Variants in TJP3 observed in about 807,000 individuals in gnomAD.
The protein encoded by TJP3 is tight junction protein 3.
In TJP3, 85 loss-of-function variants were observed where a neutral mutation model predicts 104.2. That is an observed-to-expected ratio of 0.82 (90% CI 0.68 to 0.98). The LOEUF is 0.98. Among genes scored for constraint, TJP3 ranks in the 50% least tolerant of loss-of-function variants. The probability of loss-of-function intolerance (pLI) is 0.00; values close to 1 mark genes in which losing one functional copy is unlikely to be tolerated. For synonymous variants in TJP3, 550 were observed against 550.6 expected (o/e 1.00, Z 0.02); for missense variants, 1,367 against 1,322.8 (o/e 1.03, Z -0.52).
At chr19:3,710,123 T>G (rs187682546) in intron 1 of TJP3, among the ~76,000 whole-genome samples, 3 of 125,542 alleles carry the variant, frequency 2.4e-5, no homozygotes, top group Admixed American at 9.9e-5. Context: ...CACTCCAGCC[T>G]GGACAACAGA....
At chr19:3,750,251 A>G in intron 20 of TJP3, 67 bp downstream of exon 20, 8 of 1,601,208 alleles carry the variant, frequency 5.0e-6, no homozygotes, top group Non-Finnish European at 6.0e-6. Flanking sequence ...CTGCGGACTC[A>G]GATCTAGATC....
intron 6 of TJP3, among the ~76,000 whole-genome samples, chr19:3,732,749 TC>T (rs1337691692): frequency 6.6e-6 from 1 of 152,022 alleles, no homozygotes; most frequent in African/African-American, 2.4e-5. Flanking sequence ...CCTCAGGTGA[TC>T]CCCCCCGCTC....
At chr19:3,739,183 T>A in intron 13 of TJP3, 49 bp downstream of exon 13, 4 of 1,463,612 alleles carry the variant, frequency 2.7e-6, no homozygotes, top group Non-Finnish European at 3.6e-6. Context: ...TCAGCCTCAG[T>A]CTCCCCGTTA....
rs1158534311 is a variant in TJP3, at chr19:3,730,175, C to T, written c.261+45C>T. The T allele has an allele frequency of 1.3e-6, 2 of 1,585,308 alleles. No individual in the cohort carries two copies. The highest frequency in any genetic ancestry group is 2.2e-5 in the East Asian group (1 of 44,742). Reference sequence around the variant, plus strand: ...CATGGCCAGCATCTCTGACCCCAGCCTGGGTCGTGCCGCTGTGGGGGTTGT... The same window carrying T: ...CATGGCCAGCATCTCTGACCCCAGCTTGGGTCGTGCCGCTGTGGGGGTTGT... On this transcript the variant is annotated intron_variant, in intron 4 of 20. Transcript: ENST00000541714. The surrounding 1 kb of genome is among the most constrained non-coding windows in gnomAD (Gnocchi z 7.3).
intron 1 of TJP3, among the ~76,000 whole-genome samples, chr19:3,724,527 T>C (rs2036578372): frequency 6.6e-6 from 1 of 151,790 alleles, no homozygotes. Context: ...AAATACAAAT[T>C]CCTTGGGGCC....
In TJP3 at chr19:3,746,649, CGCACAAGCCCAGAA is replaced by C; in HGVS notation, c.2178_2191del (p.Gln727AlafsTer19). ...CCCGCCGCAGCACCCGTCGCCTCTA[CGCACAAGCCCAGAA>C]GCTGCGAAAACACAGCAGCCACCTC... On this transcript the variant is annotated frameshift_variant, in exon 17 of 21. Transcript: ENST00000541714. LOFTEE classifies it high-confidence loss of function. The surrounding 1 kb of genome is among the most constrained non-coding windows in gnomAD (Gnocchi z 4.1). 6 of 1,613,382 alleles carry C rather than the reference CGCACAAGCCCAGAA, an allele frequency of 3.7e-6. 1 individual carries two copies. The Middle Eastern group carries it at 9.9e-4, about 266-fold the overall frequency.
intron 1 of TJP3, among the ~76,000 whole-genome samples, chr19:3,724,541 T>TA (rs2036578567): frequency 6.6e-6 from 1 of 151,852 alleles, no homozygotes; most frequent in African/African-American, 2.4e-5. Context: ...TGGGGCCATT[T>TA]AAAAATTTTT....
rs749562116 is a variant in TJP3, at chr19:3,738,945, G to A, written c.1442G>A (p.Arg481His). ...CGCGTGGGTGACTCCTTCTACATCC[G>A]CACTCACTTTGAGCTGGAGCCCAGT... is the stretch of plus-strand genomic sequence containing the variant. ...QSRVGDSFYI[R>H]THFELEPSPP... Residue 481 changes from arginine (R) to histidine (H), a missense_variant, in exon 13 of 21, where the codon CGC (arginine) becomes CAC (histidine). By Grantham distance (29) the Arg-to-His change is conservative (BLOSUM62 0). Coordinates refer to ENST00000541714, the MANE Select transcript of TJP3 (RefSeq NM_001267560.2). The A allele has an allele frequency of 7.4e-6, 12 of 1,612,568 alleles. No homozygotes were observed. The highest frequency in any genetic ancestry group is 2.2e-5 in the East Asian group (1 of 44,870).
chr19:3,721,886 G>A, intron 1 of TJP3: 2 of 1,229,680 alleles, frequency 1.6e-6, no homozygotes, highest in East Asian at 3.2e-5. Flanking sequence ...GAGCCCCCAG[G>A]TGGACCATGG....
intron 11 of TJP3, among the ~76,000 whole-genome samples, chr19:3,738,080 A>ATGGCTATGTCCAT (rs1555739989): frequency 1.3e-5 from 2 of 150,168 alleles, no homozygotes; most frequent in African/African-American, 5.0e-5. Context: ...CGGAGAGCAG[A>ATGGCTATGTCCAT]TGGCTGTGTC....
rs553288074 is a variant in TJP3 at position 3,725,715 on chromosome 19, C to T, written c.-9-2709C>T. Among the ~76,000 whole-genome samples, 111 of 148,878 alleles carry T rather than the reference C, an allele frequency of 7.5e-4. 2 individuals carry two copies. Among genetic ancestry groups the T allele is most frequent in the Non-Finnish European group, 1.4e-3 (91 of 67,222 alleles). Reference sequence around the variant, plus strand: ...ATCTCAAAAAAAAAAAAAAAAACTACACAAGGAGAAAGTCATTATTTGGCC... The same window carrying T: ...ATCTCAAAAAAAAAAAAAAAAACTATACAAGGAGAAAGTCATTATTTGGCC... On this transcript the variant is annotated intron_variant, in intron 1 of 20. Coordinates refer to ENST00000541714, the MANE Select transcript of TJP3 (RefSeq NM_001267560.2).
chr19:3,729,781 CAAAAA>C (rs35091592), intron 3 of TJP3, among the ~76,000 whole-genome samples: 2 of 120,590 alleles, frequency 1.7e-5, no homozygotes, highest in Admixed American at 1.7e-4. Flanking sequence ...GACTCTGTCT[CAAAAA>C]AAAAAAAAAA....
At chr19:3,711,398 C>T (rs1336047269) in intron 1 of TJP3, among the ~76,000 whole-genome samples, 1 of 145,146 alleles carries the variant, frequency 6.9e-6, no homozygotes, top group Non-Finnish European at 1.5e-5. Flanking sequence ...AGGGTTTCAC[C>T]GTATTGGTCA....
chr19:3,721,780 C>A, intron 1 of TJP3: 1 of 500,928 alleles, frequency 2.0e-6, no homozygotes, highest in Non-Finnish European at 3.1e-6. Flanking sequence ...GAGAGCCCGG[C>A]CCTCAGCCCG....
Position 3,715,182 on chromosome 19 carries a change from C to T in TJP3, c.-10+6621C>T, listed in dbSNP as rs145446644. The stretch of plus-strand genomic sequence containing the variant: ...TCGGCTCACTGCAACCTCCGCCTCC[C>T]GGGTTCACGCCATTCTCCTGCCTCA... On this transcript the variant is annotated intron_variant, in intron 1 of 20. Coordinates refer to ENST00000541714, the MANE Select transcript of TJP3 (RefSeq NM_001267560.2). 4.4e-3 allele frequency among the ~76,000 whole-genome samples: 661 copies of T among 151,720 alleles called. 7 individuals are homozygous for T. The highest frequency in any genetic ancestry group is 0.015 in the African/African-American group (629 of 41,420).
At chr19:3,735,534 C>T in intron 8 of TJP3, 32 bp from the exon 9 acceptor site, 1 of 1,610,364 alleles carries the variant, frequency 6.2e-7, no homozygotes, top group South Asian at 1.1e-5. Context: ...TGAAATCCAT[C>T]CCTGCCTCAC....
intron 14 of TJP3, 87 bp from the exon 15 acceptor site, chr19:3,743,852 A>G: frequency 8.3e-7 from 1 of 1,208,954 alleles, no homozygotes; most frequent in Non-Finnish European, 1.2e-6. Context: ...TGTTTACTAT[A>G]AGGAAGTGGA....
rs2036888112 is a variant in TJP3 at position 3,746,383 on chromosome 19, C to A, written c.2011-102C>A. 9.2e-6 allele frequency: 12 copies of A among 1,306,950 alleles called. No homozygotes were observed. The highest frequency in any genetic ancestry group is 1.9e-4 in the Middle Eastern group (1 of 5,182). The allele number at this position is 1,306,950 out of a possible 1,614,324, so 81.0% of individuals were successfully genotyped here. Reference sequence around the variant, plus strand: ...CTTGCTAGCCTGTGGATGTGAGAGGCTGGGGTCCACTCTGACCTCAGACTC... The same window carrying A: ...CTTGCTAGCCTGTGGATGTGAGAGGATGGGGTCCACTCTGACCTCAGACTC... On this transcript the variant is annotated intron_variant, in intron 16 of 20. Coordinates refer to ENST00000541714, the MANE Select transcript of TJP3 (RefSeq NM_001267560.2). The surrounding 1 kb of genome is among the most constrained non-coding windows in gnomAD (Gnocchi z 4.1).
intron 1 of TJP3, among the ~76,000 whole-genome samples, chr19:3,712,719 T>C (rs1037975013): frequency 4.0e-5 from 6 of 151,842 alleles, no homozygotes; most frequent in African/African-American, 1.5e-4. Context: ...GAGGCCGAGG[T>C]GGGAGGATCG....
Sources: allele counts gnomAD v4.1 joint callset (sites outside exome capture counted in the v4.1 genomes callset), GRCh38; gene constraint gnomAD v4.1.1; non-coding constraint Gnocchi (gnomAD v3.1); transcripts MANE v1.5; gene names NCBI Gene and HGNC (gene_info 2026-07-23, HGNC 2026-07-21).